SPOCK2: variants seen among roughly 807,000 people sequenced by gnomAD.
The protein encoded by SPOCK2 is testican-2.
In SPOCK2, 39 loss-of-function variants were observed where a neutral mutation model predicts 60.1. The observed-to-expected ratio is 0.65, with a 90% CI of 0.50 to 0.85. SPOCK2 has a LOEUF of 0.85. Among genes scored for constraint, SPOCK2 ranks in the 40% least tolerant of loss-of-function variants. The probability of loss-of-function intolerance (pLI) is 0.00; values close to 1 mark genes in which losing one functional copy is unlikely to be tolerated. For missense variants in SPOCK2, 523 were observed against 567.4 expected (o/e 0.92, Z 0.80); for synonymous variants, 217 against 231.5 (o/e 0.94, Z 0.57).
chr10:72,088,241 T>G lies in SPOCK2; in HGVS notation c.88A>C (p.Lys30Gln). The G allele has an allele frequency of 6.2e-7, 1 of 1,611,482 alleles. No individual in the cohort carries two copies. Among genetic ancestry groups the G allele is most frequent in the Non-Finnish European group, 8.5e-7 (1 of 1,179,562 alleles). The part of the protein sequence containing the change: ...ALAEGDAKGL[K>Q]EGETPGNFME... ...AAATTGCCGGGGGTCTCGCCCTCCT[T>G]GAGCCCCTTGGCGTCGCCTTCGGCC... The change falls in exon 1 of 11, where the codon AAG (lysine) becomes CAG (glutamine). Residue 30 changes from lysine (K) to glutamine (Q), a missense_variant. Physicochemically the swap from Lys to Gln is moderately conservative, Grantham distance 53. Coordinates refer to ENST00000373109, the MANE Select transcript of SPOCK2 (RefSeq NM_001244950.2).
chr10:72,077,313 A>G (rs987035160), intron 1 of SPOCK2, among the ~76,000 whole-genome samples: 8 of 151,874 alleles, frequency 5.3e-5, no homozygotes, highest in African/African-American at 1.9e-4. Context: ...TTTTTTTCAT[A>G]GAGATAGGGT....
At position 72,066,936 on chromosome 10, in the gene SPOCK2, A is replaced by G. The variant is rs564581331; in HGVS notation, c.894T>C (p.Ser298=). 9 of 1,614,218 alleles carry G rather than the reference A, an allele frequency of 5.6e-6. No individual in the cohort carries two copies. In the South Asian group the frequency reaches 8.8e-5, roughly 16 times the overall value. The change falls in exon 8 of 11, where the codon TCT becomes TCC. Residue 298 remains serine, a synonymous_variant. Coordinates refer to ENST00000373109, the MANE Select transcript of SPOCK2 (RefSeq NM_001244950.2). ...SCDTYKDGRV[S]TAEWCFCFWR... ...AGAAGCAGAAGCACCACTCAGCAGT[A>G]GAGACCCGGCCATCCTTGTAGGTGT...
rs564374871 is a variant in SPOCK2, at chr10:72,068,130, G to A, written c.589+57C>T. 269 of 1,545,876 alleles carry A rather than the reference G, an allele frequency of 1.7e-4. 2 individuals carry two copies. The South Asian group carries it at 3.0e-3, about 17-fold the overall frequency. The stretch of plus-strand genomic sequence containing the variant: ...TCTTCTACCACCCTAGAGCCCTGAA[G>A]GAGGTGCCAGGTGGCCCTTCAGCAC... On this transcript the variant is annotated intron_variant, in intron 6 of 10. Transcript: ENST00000373109.
In SPOCK2 at chr10:72,087,429, G is replaced by C. The variant is rs141246305; in HGVS notation, c.189+711C>G. Among the ~76,000 whole-genome samples the C allele has an allele frequency of 1.3e-5, 2 of 152,158 alleles. No individual in the cohort carries two copies. Among genetic ancestry groups the C allele is most frequent in the African/African-American group, 2.4e-5 (1 of 41,454 alleles). ...GGGCCGGGAGCCTTCCTCTGGCTCC[G>C]AGCTGCTCCCCTCGCTCCAGGCTGG... On this transcript the variant is annotated intron_variant, in intron 1 of 10. Transcript: ENST00000373109. This position sits in a 1 kb window ranked among gnomAD's most constrained non-coding sequence, Gnocchi z 4.7.
rs940370912 is a variant in SPOCK2, at chr10:72,088,311, G to T, written c.18C>A (p.Cys6Ter). 2 of 1,583,620 alleles carry T rather than the reference G, an allele frequency of 1.3e-6. No homozygotes were observed. The highest frequency in any genetic ancestry group is 3.7e-5 in the Admixed American group (2 of 54,516). MRAPG[C>*]GRLVLPLLLL... The stretch of plus-strand genomic sequence containing the variant: ...GCAGCAGCGGCAGCACCAGCCGCCC[G>T]CAGCCCGGGGCGCGCATCGTGGTCT... Residue 6 changes from cysteine to a stop codon, truncating the protein, a stop_gained, in exon 1 of 11, where the codon TGC (cysteine) becomes TGA (stop). Transcript: ENST00000373109. LOFTEE classifies it high-confidence loss of function.
At chr10:72,081,678 C>T (rs770289642) in intron 1 of SPOCK2, among the ~76,000 whole-genome samples, 8 of 152,346 alleles carry the variant, frequency 5.3e-5, no homozygotes, top group Admixed American at 1.3e-4. Flanking sequence ...CGGGGACAGT[C>T]GTCCTTCACT....
At chr10:72,077,068 G>T (rs1327620031) in intron 1 of SPOCK2, among the ~76,000 whole-genome samples, 1 of 152,168 alleles carries the variant, frequency 6.6e-6, no homozygotes, top group Non-Finnish European at 1.5e-5. Context: ...TCACTTCCTC[G>T]TTGTTGAGGA....
intron 9 of SPOCK2, 123 bp from the exon 10 acceptor site, chr10:72,063,285 G>C (rs112116830): frequency 7.2e-7 from 1 of 1,390,966 alleles, no homozygotes; most frequent in East Asian, 2.5e-5. Context: ...CAGCCAGACC[G>C]GGTGCTGACC....
chr10:72,062,843 TC>T lies in SPOCK2; in HGVS notation c.1191del (p.Lys398ArgfsTer44). The T allele has an allele frequency of 6.2e-7, 1 of 1,607,070 alleles. No homozygotes were observed. Among genetic ancestry groups the T allele is most frequent in the South Asian group, 1.1e-5 (1 of 90,554 alleles). On this transcript the variant is annotated frameshift_variant, in exon 11 of 11. Coordinates refer to ENST00000373109, the MANE Select transcript of SPOCK2 (RefSeq NM_001244950.2). LOFTEE classifies it high-confidence loss of function. This position sits in a 1 kb window ranked among gnomAD's most constrained non-coding sequence, Gnocchi z 4.3. ...GSGVGWEDEE[E>X]KETEEAGEEA... ...TCCTCGCCTGCTTCCTCCGTCTCCTTCTCCTCCTCATCCTCCCAGCCGACAC... is the reference window on the plus strand; with the variant it reads ...TCCTCGCCTGCTTCCTCCGTCTCCTTTCCTCCTCATCCTCCCAGCCGACAC...
chr10:72,069,296 A>C, intron 5 of SPOCK2: 1 of 152,414 alleles, frequency 6.6e-6, no homozygotes, highest in South Asian at 2.1e-4. Context: ...CCCCACAGCA[A>C]TGTCAATCAT....
chr10:72,076,230 G>A (rs1485613604), intron 1 of SPOCK2, among the ~76,000 whole-genome samples: 1 of 152,200 alleles, frequency 6.6e-6, no homozygotes, highest in Admixed American at 6.5e-5. Flanking sequence ...CACTCTGAGG[G>A]TAAAACTCAA....
At chr10:72,083,724 G>A (rs1011352993) in intron 1 of SPOCK2, among the ~76,000 whole-genome samples, 1 of 152,208 alleles carries the variant, frequency 6.6e-6, no homozygotes, top group Admixed American at 6.5e-5. Flanking sequence ...TTAGAAGGTG[G>A]GGTGGAGGGG....
chr10:72,079,425 G>A (rs1031708545), intron 1 of SPOCK2, among the ~76,000 whole-genome samples: 2 of 152,126 alleles, frequency 1.3e-5, no homozygotes, highest in African/African-American at 4.8e-5. Flanking sequence ...GCATTTTTCA[G>A]AAACCCCTTC....
chr10:72,065,756 T>G (rs1022146727), intron 8 of SPOCK2, among the ~76,000 whole-genome samples: 2 of 152,224 alleles, frequency 1.3e-5, no homozygotes, highest in African/African-American at 4.8e-5. Flanking sequence ...GCAGGAGGGC[T>G]GGGCAGTCAG....
At chr10:72,064,774 A>G (rs944892117) in intron 8 of SPOCK2, among the ~76,000 whole-genome samples, 10 of 152,102 alleles carry the variant, frequency 6.6e-5, no homozygotes, top group Non-Finnish European at 1.5e-4. Flanking sequence ...TCTGTCACCC[A>G]GGCTGGAGTG....
chr10:72,064,874 G>A (rs548704842), intron 8 of SPOCK2, among the ~76,000 whole-genome samples: 1 of 150,862 alleles, frequency 6.6e-6, no homozygotes, highest in Non-Finnish European at 1.5e-5. Context: ...GGGACTACAG[G>A]CGCCCGCCAC....
At position 72,087,002 on chromosome 10, in the gene SPOCK2, G is replaced by A. The variant is rs1408808348; in HGVS notation, c.189+1138C>T. 2 of 1,551,336 alleles carry A rather than the reference G, an allele frequency of 1.3e-6. No individual in the cohort carries two copies. The highest frequency in any genetic ancestry group is 2.7e-5 in the African/African-American group (2 of 73,044). ...GGTCGGACGAGGGAACCTGGGGAAG[G>A]AGGAGTAAGGGCCAGGGTCCTAGAA... On this transcript the variant is annotated intron_variant, in intron 1 of 10. Transcript: ENST00000373109. This position sits in a 1 kb window ranked among gnomAD's most constrained non-coding sequence, Gnocchi z 4.7.
chr10:72,078,195 G>GA (rs1480063280), intron 1 of SPOCK2, among the ~76,000 whole-genome samples: 1 of 152,048 alleles, frequency 6.6e-6, no homozygotes, highest in East Asian at 1.9e-4. Flanking sequence ...GTAATAAAGA[G>GA]AAAAAACATA....
intron 2 of SPOCK2, 70 bp from the exon 3 acceptor site, chr10:72,072,618 G>A: frequency 1.2e-6 from 2 of 1,602,894 alleles, no homozygotes; most frequent in South Asian, 2.2e-5. Flanking sequence ...CAACTGCGGG[G>A]TCGAGGAGAG....
Sources: gnomAD v4.1 joint callset for allele counts (sites outside exome capture counted in the v4.1 genomes callset) on GRCh38, gnomAD v4.1.1 for gene constraint, Gnocchi (gnomAD v3.1) non-coding constraint, MANE v1.5 for transcripts, NCBI Gene and HGNC (gene_info 2026-07-23, HGNC 2026-07-21) for gene names.